The following ATP6V0E1 variants were observed in gnomAD, a reference collection of about 807,000 sequenced individuals.
The protein encoded by ATP6V0E1 is ATPase H+ transporting V0 subunit e1.
In ATP6V0E1, 4 loss-of-function variants were observed where a neutral mutation model predicts 11.6. That is an observed-to-expected ratio of 0.35 (90% CI 0.17 to 0.79). ATP6V0E1 has a LOEUF of 0.79. Among genes scored for constraint, ATP6V0E1 ranks in the 30% least tolerant of loss-of-function variants. The pLI is 0.54. For missense variants in ATP6V0E1, 105 were observed against 100.0 expected, an observed-to-expected ratio of 1.05 and a Z score of -0.21; for synonymous variants, 36 against 34.8, an observed-to-expected ratio of 1.04 and a Z score of -0.13.
chr5:173,032,258 TTTA>T (rs1428814339), intron 3 of ATP6V0E1, among the ~76,000 whole-genome samples: 1 of 52,386 alleles, frequency 1.9e-5, no homozygotes, highest in African/African-American at 8.8e-5. Flanking sequence ...ATTTTATTTA[TTTA>T]TTTATTTATT....
At chr5:173,011,958 C>A (rs1756332249) in intron 2 of ATP6V0E1, among the ~76,000 whole-genome samples, 1 of 151,846 alleles carries the variant, frequency 6.6e-6, no homozygotes, top group African/African-American at 2.4e-5. Context: ...GTCAGAGGGG[C>A]AGGCACAAAG....
chr5:172,990,751 C>T (rs111958217), intron 1 of ATP6V0E1, among the ~76,000 whole-genome samples: 10,421 of 151,452 alleles, frequency 0.069, 407 homozygotes, highest in South Asian at 0.14. Flanking sequence ...TGCTTGAGCC[C>T]AGGAGGCAGA....
rs1756575359 is a variant in ATP6V0E1, at chr5:173,027,192, A to AG, written c.*36+6825_*36+6826insG. Among the ~76,000 whole-genome samples, 4 of 141,950 alleles carry AG rather than the reference A, an allele frequency of 2.8e-5. No homozygotes were observed. In the Admixed American group the frequency reaches 2.9e-4, roughly 10 times the overall value. 93.1% of individuals were successfully genotyped at this position (141,950 alleles called of 152,430 possible). ...AGACTCCGTCTCAAAAAAAAAAAAA[A>AG]AAAAAAAAAAAATAGCCGGGCACGG... On this transcript the variant is annotated intron_variant, in intron 3 of 3. Coordinates refer to ENST00000519374, the MANE Select transcript of ATP6V0E1 (RefSeq NM_003945.4).
intron 2 of ATP6V0E1, among the ~76,000 whole-genome samples, chr5:173,014,101 C>A (rs1756368731): frequency 6.9e-6 from 1 of 145,880 alleles, no homozygotes; most frequent in African/African-American, 2.6e-5. Flanking sequence ...GTAGAGGTTG[C>A]AGTGAGCCAA....
chr5:173,021,238 G>A (rs1191213580), intron 3 of ATP6V0E1, among the ~76,000 whole-genome samples: 1 of 151,242 alleles, frequency 6.6e-6, no homozygotes, highest in Non-Finnish European at 1.5e-5. Flanking sequence ...TACTTCACTC[G>A]TTACTATGGG....
At chr5:173,017,182 T>A (rs763605568) in intron 2 of ATP6V0E1, among the ~76,000 whole-genome samples, 5 of 152,132 alleles carry the variant, frequency 3.3e-5, no homozygotes, top group Non-Finnish European at 5.9e-5. Context: ...ATAGGGAAAT[T>A]TAAAGTCCTG....
chr5:172,983,818 C>A lies in ATP6V0E1; in HGVS notation c.-43C>A. 1 of 1,583,838 alleles carries A rather than the reference C, an allele frequency of 6.3e-7. No individual in the cohort carries two copies. Among genetic ancestry groups the A allele is most frequent in the Non-Finnish European group, 8.7e-7 (1 of 1,153,608 alleles). On this transcript the variant is annotated 5_prime_UTR_variant, in exon 1 of 4. Coordinates refer to ENST00000519374, the MANE Select transcript of ATP6V0E1 (RefSeq NM_003945.4). ...GCTATTGACACTTCCTGGTGGGATC[C>A]GAGTGAGGCGACGGGGTAGGGGTTG...
chr5:172,992,237 G>A (rs981818141), intron 1 of ATP6V0E1, among the ~76,000 whole-genome samples: 4 of 152,100 alleles, frequency 2.6e-5, no homozygotes, highest in African/African-American at 4.8e-5. Context: ...ATTTTCAGTA[G>A]AGACGGGGTT....
intron 3 of ATP6V0E1, among the ~76,000 whole-genome samples, chr5:173,022,300 G>A (rs1756498093): frequency 6.6e-6 from 1 of 152,156 alleles, no homozygotes; most frequent in African/African-American, 2.4e-5. Flanking sequence ...GTCTGGCTCT[G>A]GCTCTCCTAT....
intron 1 of ATP6V0E1, among the ~76,000 whole-genome samples, chr5:172,984,909 A>G (rs1265397720): frequency 6.6e-6 from 1 of 152,208 alleles, no homozygotes; most frequent in Non-Finnish European, 1.5e-5. Flanking sequence ...GAGGCACCCA[A>G]TAAATACCTG....
intron 1 of ATP6V0E1, among the ~76,000 whole-genome samples, 184 bp downstream of exon 1, chr5:172,984,148 C>T (rs1755846858): frequency 3.3e-5 from 5 of 152,118 alleles, no homozygotes; most frequent in Admixed American, 3.3e-4. Flanking sequence ...CAGTGTCCTC[C>T]GGCCTGAGCG....
At chr5:173,002,826 G>A (rs1490205962) in intron 2 of ATP6V0E1, among the ~76,000 whole-genome samples, 1 of 151,380 alleles carries the variant, frequency 6.6e-6, no homozygotes, top group Non-Finnish European at 1.5e-5. Flanking sequence ...TGTGTCTGAG[G>A]AGGAATCAGC....
At chr5:173,007,540 G>A (rs1214006111) in intron 2 of ATP6V0E1, among the ~76,000 whole-genome samples, 1 of 152,164 alleles carries the variant, frequency 6.6e-6, no homozygotes, top group Non-Finnish European at 1.5e-5. Flanking sequence ...AACCACAGTC[G>A]GTTAAGCAGG....
At chr5:173,009,254 A>G (rs1756278847) in intron 2 of ATP6V0E1, among the ~76,000 whole-genome samples, 1 of 151,802 alleles carries the variant, frequency 6.6e-6, no homozygotes, top group Non-Finnish European at 1.5e-5. Flanking sequence ...ATAAATAAAT[A>G]AAATAAAAGA....
chr5:173,009,442 G>C (rs776005880), intron 2 of ATP6V0E1, among the ~76,000 whole-genome samples: 2 of 149,022 alleles, frequency 1.3e-5, no homozygotes, highest in Non-Finnish European at 3.0e-5. Flanking sequence ...CATTCACTCA[G>C]GATAGCCACT....
At chr5:173,013,467 C>G (rs559036919) in intron 2 of ATP6V0E1, among the ~76,000 whole-genome samples, 1 of 151,310 alleles carries the variant, frequency 6.6e-6, no homozygotes, top group Non-Finnish European at 1.5e-5. Flanking sequence ...CCCAGCTACT[C>G]CGGAGGCTGA....
intron 2 of ATP6V0E1, among the ~76,000 whole-genome samples, chr5:173,013,574 CAAAAAA>C (rs35084966): frequency 4.9e-5 from 3 of 61,636 alleles, no homozygotes; most frequent in African/African-American, 9.4e-5. Flanking sequence ...GACTCCATCT[CAAAAAA>C]AAAAAAAAAA....
intron 2 of ATP6V0E1, among the ~76,000 whole-genome samples, chr5:172,995,309 C>T (rs1756047624): frequency 6.6e-6 from 1 of 152,122 alleles, no homozygotes; most frequent in Non-Finnish European, 1.5e-5. Context: ...GCCATGTTGG[C>T]CAGGCTGGTC....
chr5:172,994,620 C>T (rs60940868), intron 1 of ATP6V0E1, among the ~76,000 whole-genome samples, 155 bp from the exon 2 acceptor site: 1,631 of 152,178 alleles, frequency 0.011, 25 homozygotes, highest in African/African-American at 0.035. Context: ...CTGGGCACAC[C>T]GCAGTTTGCT....
Sources: allele counts gnomAD v4.1 joint callset (sites outside exome capture counted in the v4.1 genomes callset), GRCh38; gene constraint gnomAD v4.1.1; transcripts MANE v1.5; gene names NCBI Gene and HGNC (gene_info 2026-07-23, HGNC 2026-07-21).